The following TTC28 variants were observed in gnomAD, a reference collection of about 807,000 sequenced individuals.
The protein encoded by TTC28 is tetratricopeptide repeat domain 28, also known as tetratricopeptide repeat protein 28.
A neutral mutation model predicts 198.0 loss-of-function variants in TTC28; 61 were observed. The observed-to-expected ratio is 0.31, with a 90% CI of 0.25 to 0.38. TTC28 has a LOEUF of 0.38. Among genes scored for constraint, TTC28 ranks in the 10% least tolerant of loss-of-function variants. The pLI is 1.00. For missense variants in TTC28, 2,678 were observed against 3,164.0 expected (o/e 0.85, Z 3.69); for synonymous variants, 1,171 against 1,297.8 (o/e 0.90, Z 2.10).
intron 14 of TTC28, among the ~76,000 whole-genome samples, chr22:28,009,677 G>T (rs1309479630): frequency 1.3e-5 from 2 of 152,242 alleles, no homozygotes; most frequent in Non-Finnish European, 2.9e-5. Flanking sequence ...CCGGCCTCGG[G>T]TGCTGGCCTC....
intron 5 of TTC28, among the ~76,000 whole-genome samples, chr22:28,263,187 C>T (rs762974944): frequency 3.9e-5 from 6 of 152,094 alleles, no homozygotes; most frequent in Non-Finnish European, 7.4e-5. Flanking sequence ...ATAATAATGA[C>T]TAGCATCTAT....
chr22:28,494,408 T>C (rs1253087627), intron 2 of TTC28, among the ~76,000 whole-genome samples: 1 of 152,188 alleles, frequency 6.6e-6, no homozygotes, highest in Non-Finnish European at 1.5e-5. Flanking sequence ...AATTAGAAAC[T>C]GTCAACTAAT....
chr22:28,328,753 CAAA>C (rs1304062508), intron 2 of TTC28, among the ~76,000 whole-genome samples: 1 of 96,244 alleles, frequency 1.0e-5, no homozygotes, highest in Non-Finnish European at 2.0e-5. Context: ...GACTCTGTCT[CAAA>C]AATAATAATA....
chr22:28,454,088 G>C (rs986939759), intron 2 of TTC28, among the ~76,000 whole-genome samples: 1 of 152,128 alleles, frequency 6.6e-6, no homozygotes, highest in African/African-American at 2.4e-5. Flanking sequence ...CCACATTCAA[G>C]TTTCTTGTCA....
chr22:28,424,079 T>C (rs1317316796), intron 2 of TTC28, among the ~76,000 whole-genome samples: 1 of 151,398 alleles, frequency 6.6e-6, no homozygotes, highest in Non-Finnish European at 1.5e-5. Flanking sequence ...CATCAAGGAA[T>C]ACAGGAAATT....
At chr22:28,326,597 T>A (rs984883011) in intron 2 of TTC28, among the ~76,000 whole-genome samples, 3 of 152,206 alleles carry the variant, frequency 2.0e-5, no homozygotes, top group African/African-American at 2.4e-5. Context: ...AAGATGGGAA[T>A]GCTTGTTTTA....
At chr22:28,192,741 A>G (rs1264231531) in intron 5 of TTC28, among the ~76,000 whole-genome samples, 2 of 152,174 alleles carry the variant, frequency 1.3e-5, no homozygotes, top group Admixed American at 6.5e-5. Flanking sequence ...AAGTTCAGAG[A>G]AAAAAAGTAA....
chr22:28,180,010 T>A (rs1923551090), intron 5 of TTC28, among the ~76,000 whole-genome samples: 2 of 152,220 alleles, frequency 1.3e-5, no homozygotes, highest in South Asian at 4.1e-4. Flanking sequence ...AACTTGTATT[T>A]ATTAACAAAG....
At chr22:28,455,301 T>C (rs931662922) in intron 2 of TTC28, among the ~76,000 whole-genome samples, 2 of 152,230 alleles carry the variant, frequency 1.3e-5, no homozygotes, top group African/African-American at 4.8e-5. Flanking sequence ...AAGATTTAAA[T>C]AAAATGTACA....
chr22:28,372,116 A>C (rs1198002321), intron 2 of TTC28, among the ~76,000 whole-genome samples: 1 of 152,064 alleles, frequency 6.6e-6, no homozygotes, highest in Non-Finnish European at 1.5e-5. Context: ...CTTAAAAAAG[A>C]GAGTCCAGCA....
chr22:28,010,030 T>C (rs917589363), intron 14 of TTC28, among the ~76,000 whole-genome samples: 1 of 152,144 alleles, frequency 6.6e-6, no homozygotes, highest in Non-Finnish European at 1.5e-5. Context: ...TCACAAAAGA[T>C]TGTATTTGTA....
intron 12 of TTC28, among the ~76,000 whole-genome samples, chr22:28,042,649 G>T (rs1295990418): frequency 6.6e-6 from 1 of 151,860 alleles, no homozygotes; most frequent in Non-Finnish European, 1.5e-5. Flanking sequence ...GTTGATGGGT[G>T]CAGCAAACCA....
At chr22:28,325,741 T>C (rs948646658) in intron 2 of TTC28, among the ~76,000 whole-genome samples, 1 of 152,120 alleles carries the variant, frequency 6.6e-6, no homozygotes, top group African/African-American at 2.4e-5. Context: ...CATGAAAAGA[T>C]GTTCAAAATC....
chr22:28,088,964 G>A (rs1320985858), intron 12 of TTC28, among the ~76,000 whole-genome samples: 1 of 151,972 alleles, frequency 6.6e-6, no homozygotes, highest in Non-Finnish European at 1.5e-5. Flanking sequence ...CCACAATGAG[G>A]TACCATCTCA....
chr22:28,046,063 C>T (rs1038142590), intron 12 of TTC28, among the ~76,000 whole-genome samples: 3 of 152,186 alleles, frequency 2.0e-5, no homozygotes, highest in Non-Finnish European at 4.4e-5. Flanking sequence ...GCAGACTATA[C>T]AAATGAAAGT....
rs188913805 is a variant in TTC28, at chr22:28,032,034, C to T, written c.3933-1668G>A. ...CTGGCTTTCCTGGGTCTGCAGCTTG[C>T]TGTGGCAGATCCTGGGGCTTCTCAG... On this transcript the variant is annotated intron_variant, in intron 12 of 22. Coordinates refer to ENST00000397906, the MANE Select transcript of TTC28 (RefSeq NM_001145418.2). Among the ~76,000 whole-genome samples the T allele has an allele frequency of 4.1e-4, 62 of 151,690 alleles. 1 individual carries two copies. Among genetic ancestry groups the T allele is most frequent in the Admixed American group, 4.1e-3 (62 of 15,178 alleles).
chr22:28,592,652 T>C (rs1341541118), intron 2 of TTC28, among the ~76,000 whole-genome samples: 2 of 152,196 alleles, frequency 1.3e-5, no homozygotes, highest in African/African-American at 2.4e-5. Context: ...CCCAGATTTT[T>C]TTCCTCCTCC....
intron 3 of TTC28, among the ~76,000 whole-genome samples, chr22:28,305,668 C>A (rs949361775): frequency 5.9e-5 from 9 of 152,116 alleles, no homozygotes; most frequent in Non-Finnish European, 1.2e-4. Flanking sequence ...GCTTGACATA[C>A]CCTGATTAAA....
At chr22:28,269,684 G>A (rs1931923815) in intron 5 of TTC28, among the ~76,000 whole-genome samples, 1 of 152,160 alleles carries the variant, frequency 6.6e-6, no homozygotes, top group Non-Finnish European at 1.5e-5. Context: ...AGAGTAGTTT[G>A]CAAGGATGGT....
Sources: gnomAD v4.1 joint callset for allele counts (sites outside exome capture counted in the v4.1 genomes callset) on GRCh38, gnomAD v4.1.1 for gene constraint, MANE v1.5 for transcripts, NCBI Gene and HGNC (gene_info 2026-07-23, HGNC 2026-07-21) for gene names.